The following NOL9 variants were observed in gnomAD, a reference collection of about 807,000 sequenced individuals.
NOL9 encodes nucleolar protein 9.
A neutral mutation model predicts 67.9 loss-of-function variants in NOL9; 28 were observed. The observed-to-expected ratio is 0.41, with a 90% CI of 0.31 to 0.57. The LOEUF is 0.57. Ranked by LOEUF, NOL9 falls within the 20% of genes least tolerant of loss-of-function variation. The pLI is 0.25. For missense variants in NOL9, 777 were observed against 897.0 expected (o/e 0.87, Z 1.71); for synonymous variants, 356 against 352.2 (o/e 1.01, Z -0.12).
intron 6 of NOL9, among the ~76,000 whole-genome samples, chr1:6,540,563 A>C (rs1354968971): frequency 6.6e-5 from 10 of 152,204 alleles, no homozygotes; most frequent in Admixed American, 5.2e-4. Context: ...ACAGTGGCTC[A>C]TGCCTACAAT....
chr1:6,546,700 T>A (rs1224772782), intron 3 of NOL9, among the ~76,000 whole-genome samples: 1 of 152,122 alleles, frequency 6.6e-6, no homozygotes, highest in Non-Finnish European at 1.5e-5. Flanking sequence ...TGCTGCATGG[T>A]TACCTCCCCC....
chr1:6,526,362 G>A (rs771053932), intron 11 of NOL9, among the ~76,000 whole-genome samples: 4 of 152,130 alleles, frequency 2.6e-5, no homozygotes, highest in African/African-American at 9.7e-5. Flanking sequence ...GCACACAGAC[G>A]CCTTGACCTG....
chr1:6,527,077 C>G (rs889918462), intron 10 of NOL9, among the ~76,000 whole-genome samples: 2 of 151,970 alleles, frequency 1.3e-5, no homozygotes, highest in Non-Finnish European at 2.9e-5. Flanking sequence ...GAAACCCTGT[C>G]TCTACTAACA....
intron 3 of NOL9, 41 bp from the exon 4 acceptor site, chr1:6,545,221 A>G: frequency 1.3e-6 from 2 of 1,583,490 alleles, no homozygotes; most frequent in East Asian, 2.2e-5. Flanking sequence ...AAAAATGCAT[A>G]TTTTTTTCTT....
intron 9 of NOL9, among the ~76,000 whole-genome samples, chr1:6,530,770 C>A (rs1266048443): frequency 6.6e-6 from 1 of 152,252 alleles, no homozygotes; most frequent in Non-Finnish European, 1.5e-5. Context: ...GCCTTTCTCT[C>A]ACAGGGTGGC....
rs1176969287 is a variant in NOL9, at chr1:6,532,521, C to T, written c.1477G>A (p.Gly493Arg). The change falls in exon 8 of 12, where the codon GGA becomes AGA. Residue 493 changes from glycine to arginine, a missense_variant. Around this residue, in one of 2 missense-constraint regions of NOL9, gnomAD observed 413 missense variants for 552.6 expected, o/e 0.75. Transcript: ENST00000377705. ...GTATAAACACCTATCAGTTTATGTC[C>T]AGTGAACTCAACTGGACTCTCTTTT... ...EEKESPVEFTGHKLIGVYTDF... is the reference protein window; with the variant it reads ...EEKESPVEFTRHKLIGVYTDF... The T allele has an allele frequency of 1.9e-6, 3 of 1,614,068 alleles. No individual in the cohort carries two copies.
In NOL9 at chr1:6,548,660, C is replaced by T. The variant is rs149626156; in HGVS notation, c.744+911G>A. 1,438 of 253,686 alleles carry T rather than the reference C, an allele frequency of 5.7e-3. 19 individuals are homozygous for T. Among genetic ancestry groups the T allele is most frequent in the African/African-American group, 0.029 (1,271 of 44,060 alleles). The allele number at this position is 253,686 out of a possible 1,614,324, so 15.7% of individuals were successfully genotyped here. Reference sequence around the variant, plus strand: ...TTTTTGACTAATAAAAATTAAGACTCGTTAAAAATTAGAGGTAAGGAAAGA... The same window carrying T: ...TTTTTGACTAATAAAAATTAAGACTTGTTAAAAATTAGAGGTAAGGAAAGA... On this transcript the variant is annotated intron_variant, in intron 3 of 11. Coordinates refer to ENST00000377705, the MANE Select transcript of NOL9 (RefSeq NM_024654.5).
intron 6 of NOL9, among the ~76,000 whole-genome samples, chr1:6,537,045 A>G (rs895841129): frequency 6.6e-6 from 1 of 152,106 alleles, no homozygotes; most frequent in African/African-American, 2.4e-5. Flanking sequence ...GCATAAAAAA[A>G]GACATATCAC....
At chr1:6,551,588 C>T (rs1639543807) in intron 1 of NOL9, among the ~76,000 whole-genome samples, 1 of 151,392 alleles carries the variant, frequency 6.6e-6, no homozygotes, top group South Asian at 2.1e-4. Context: ...GACAGTGATA[C>T]TGTCCCAAAA....
intron 3 of NOL9, chr1:6,547,973 C>A: frequency 7.3e-6 from 2 of 274,672 alleles, no homozygotes; most frequent in South Asian, 3.9e-5. Flanking sequence ...TACAATACAC[C>A]GTCATAGGCT....
chr1:6,551,750 G>A (rs554152977), intron 1 of NOL9, among the ~76,000 whole-genome samples: 17 of 152,092 alleles, frequency 1.1e-4, no homozygotes, highest in Non-Finnish European at 2.5e-4. Flanking sequence ...ATCAAATATC[G>A]GCCGGGTGTG....
Position 6,528,649 on chromosome 1 carries a change from C to T in NOL9, c.1825+345G>A, listed in dbSNP as rs913854555. Among the ~76,000 whole-genome samples, 16 of 152,316 alleles carry T rather than the reference C, an allele frequency of 1.1e-4. No homozygotes were observed. The East Asian group carries it at 2.3e-3, about 22-fold the overall frequency. On this transcript the variant is annotated intron_variant, in intron 10 of 11. Transcript: ENST00000377705. ...GCACACTGACAAGATGGGTTTGGAA[C>T]GCAGACGAACAGCTGTGTTGGAGGA...
chr1:6,532,268 G>A, intron 8 of NOL9, 189 bp from the exon 9 acceptor site: 1 of 721,372 alleles, frequency 1.4e-6, no homozygotes, highest in Non-Finnish European at 2.3e-6. Flanking sequence ...CTGGCAGCCA[G>A]AGGTAGGGGA....
intron 6 of NOL9, among the ~76,000 whole-genome samples, chr1:6,540,150 T>A (rs1639249607): frequency 2.6e-5 from 2 of 76,026 alleles, no homozygotes; most frequent in Non-Finnish European, 2.5e-5. Context: ...TGAGACAGAG[T>A]CTTGCTCTGT....
intron 5 of NOL9, among the ~76,000 whole-genome samples, chr1:6,543,321 G>A (rs895658262): frequency 1.3e-5 from 2 of 151,586 alleles, no homozygotes; most frequent in Non-Finnish European, 1.5e-5. Flanking sequence ...TCAGCCTCCC[G>A]AATAGCTGGG....
At position 6,532,596 on chromosome 1, in the gene NOL9, G is replaced by A. The variant is rs1361961920; in HGVS notation, c.1402C>T (p.Arg468Cys). 8 of 1,614,012 alleles carry A rather than the reference G, an allele frequency of 5.0e-6. No homozygotes were observed. Among genetic ancestry groups the A allele is most frequent in the African/African-American group, 2.7e-5 (2 of 74,904 alleles). ...TKSKTKMRNR[R>C]FRLAAFADAL... is the part of the protein sequence containing the mutation. ...TCTGCAAATGCTGCGAGTCTGAAAC[G>A]TCGATTTCTCATCTTGGTCTTGCTT... Residue 468 changes from arginine (R) to cysteine (C), a missense_variant, in exon 8 of 12, where the codon CGT (arginine) becomes TGT (cysteine). Physicochemically the swap from Arg to Cys is radical, Grantham distance 180 (BLOSUM62 -3). Around this residue, in one of 2 missense-constraint regions of NOL9, gnomAD observed 413 missense variants for 552.6 expected, o/e 0.75. Transcript: ENST00000377705.
At chr1:6,536,811 G>A (rs1114661) in intron 6 of NOL9, among the ~76,000 whole-genome samples, 122,723 of 152,118 alleles carry the variant, frequency 0.81, 50,345 homozygotes, top group Non-Finnish European at 0.87. Flanking sequence ...AGCAAGACCC[G>A]GTCTCAATAA....
At chr1:6,542,849 C>T (rs1255438855) in intron 5 of NOL9, among the ~76,000 whole-genome samples, 2 of 152,296 alleles carry the variant, frequency 1.3e-5, no homozygotes, top group Middle Eastern at 3.4e-3. Flanking sequence ...GCCTCGGCCT[C>T]CCAAAGTGCT....
In NOL9 at chr1:6,525,500, G is replaced by T; in HGVS notation, c.*354C>A. 2 of 232,868 alleles carry T rather than the reference G, an allele frequency of 8.6e-6. No individual in the cohort carries two copies. Among genetic ancestry groups the T allele is most frequent in the Non-Finnish European group, 1.7e-5 (2 of 118,518 alleles). 14.4% of individuals were successfully genotyped at this position (232,868 alleles called of 1,614,324 possible). On this transcript the variant is annotated 3_prime_UTR_variant, in exon 12 of 12. Coordinates refer to ENST00000377705, the MANE Select transcript of NOL9 (RefSeq NM_024654.5). ...AGGTCGGCCTTCTTCCTTCCTTCTC[G>T]GTACATTGTAATGGCCCCAGTTTCC...
Sources: gnomAD v4.1 joint callset for allele counts (sites outside exome capture counted in the v4.1 genomes callset) on GRCh38, gnomAD v4.1.1 for gene constraint, gnomAD v4.1.1 regional missense constraint, MANE v1.5 for transcripts, NCBI Gene and HGNC (gene_info 2026-07-23, HGNC 2026-07-21) for gene names.